The following USP34 variants were observed in gnomAD, a reference collection of about 807,000 sequenced individuals.
USP34 encodes ubiquitin specific peptidase 34, also known as ubiquitin carboxyl-terminal hydrolase 34.
Under a neutral mutation model 460.3 loss-of-function variants are expected in USP34, and 70 were observed. The ratio of observed to expected loss-of-function variants is 0.15; its 90% confidence interval spans 0.13 to 0.19. The LOEUF is 0.19. Among genes scored for constraint, USP34 ranks in the 10% least tolerant of loss-of-function variants. USP34 has a pLI of 1.00. For missense variants in USP34, 3,985 were observed against 4,236.2 expected (o/e 0.94, Z 1.65); for synonymous variants, 1,647 against 1,405.3 (o/e 1.17, Z -3.85).
chr2:61,215,966 ACT>A (rs1477645222), intron 67 of USP34, among the ~76,000 whole-genome samples: 1 of 151,828 alleles, frequency 6.6e-6, no homozygotes, highest in South Asian at 2.1e-4. Flanking sequence ...CCTCCTCAAG[ACT>A]CTCTAATGTC....
Position 61,375,738 on chromosome 2 carries a change from C to T in USP34, c.1076+2625G>A, listed in dbSNP as rs185615897. On this transcript the variant is annotated intron_variant, in intron 8 of 79. Coordinates refer to ENST00000398571, the MANE Select transcript of USP34 (RefSeq NM_014709.4). Reference sequence around the variant, plus strand: ...GAGCCAAGATCGCGCCACTGCACTCCAGCCTGGGTGACAGACCAAGACTCT... The same window carrying T: ...GAGCCAAGATCGCGCCACTGCACTCTAGCCTGGGTGACAGACCAAGACTCT... Among the ~76,000 whole-genome samples the T allele has an allele frequency of 3.7e-4, 48 of 130,200 alleles. 1 individual carries two copies. The East Asian group carries it at 0.011, about 30-fold the overall frequency. 85.4% of individuals were successfully genotyped at this position (130,200 alleles called of 152,430 possible). A position where few individuals can be genotyped will look rare whatever the true frequency, so the allele number is the denominator to read the frequency against.
chr2:61,267,248 T>C (rs1265358591), intron 41 of USP34, among the ~76,000 whole-genome samples: 1 of 152,272 alleles, frequency 6.6e-6, no homozygotes, highest in East Asian at 1.9e-4. Flanking sequence ...ATATGCTGAG[T>C]CCTGTGAGTT....
chr2:61,378,294 A>C, intron 8 of USP34, 69 bp downstream of exon 8: 1 of 1,182,820 alleles, frequency 8.5e-7, no homozygotes, highest in South Asian at 1.4e-5. Context: ...TCTAAAAATT[A>C]GAATTTACCA....
At chr2:61,445,616 G>A (rs898436886) in intron 1 of USP34, among the ~76,000 whole-genome samples, 5 of 151,096 alleles carry the variant, frequency 3.3e-5, no homozygotes, top group Non-Finnish European at 5.9e-5. Flanking sequence ...GCAACAGAAA[G>A]AGTAAATGTG....
intron 19 of USP34, 70 bp from the exon 20 acceptor site, chr2:61,331,441 T>C (rs1691258241): frequency 8.1e-7 from 1 of 1,229,416 alleles, no homozygotes; most frequent in African/African-American, 1.6e-5. Flanking sequence ...GCTATGACAG[T>C]AAATATGCAA....
intron 1 of USP34, among the ~76,000 whole-genome samples, chr2:61,452,807 C>T (rs1695323907): frequency 6.6e-6 from 1 of 151,378 alleles, no homozygotes; most frequent in Non-Finnish European, 1.5e-5. Flanking sequence ...ATCGCTTGAG[C>T]CTCAGAGGTC....
intron 8 of USP34, among the ~76,000 whole-genome samples, chr2:61,376,692 G>C (rs559042000): frequency 1.3e-5 from 2 of 152,114 alleles, no homozygotes. Context: ...CTGTCGCCCA[G>C]GTTGGAGTGA....
chr2:61,223,641 C>A (rs1687652233), intron 62 of USP34: 1 of 207,102 alleles, frequency 4.8e-6, no homozygotes, highest in African/African-American at 2.4e-5. Context: ...ATTTCATCTC[C>A]CAGTTTAAAA....
At chr2:61,213,864 A>G (rs1687333184) in intron 68 of USP34, among the ~76,000 whole-genome samples, 196 bp downstream of exon 68, 1 of 152,182 alleles carries the variant, frequency 6.6e-6, no homozygotes, top group Admixed American at 6.5e-5. Context: ...CACCCTAAGA[A>G]AAGTTATCTA....
At chr2:61,451,251 G>C (rs990320360) in intron 1 of USP34, among the ~76,000 whole-genome samples, 2 of 105,270 alleles carry the variant, frequency 1.9e-5, no homozygotes, top group Non-Finnish European at 4.1e-5. Flanking sequence ...AAAAAGAAAT[G>C]AATAACTTTT....
intron 1 of USP34, among the ~76,000 whole-genome samples, chr2:61,430,983 G>A (rs370277819): frequency 1.4e-4 from 22 of 151,876 alleles, no homozygotes; most frequent in Admixed American, 7.9e-4. Context: ...CTGAAGCCTG[G>A]GCAACAAGAC....
intron 48 of USP34, among the ~76,000 whole-genome samples, chr2:61,255,134 A>G (rs908190410): frequency 1.3e-5 from 2 of 152,178 alleles, no homozygotes; most frequent in African/African-American, 4.8e-5. Context: ...GTGTAAGGCA[A>G]TTTTTATTTG....
chr2:61,307,942 C>T (rs932583730), intron 27 of USP34, among the ~76,000 whole-genome samples: 6 of 151,946 alleles, frequency 3.9e-5, no homozygotes, highest in African/African-American at 7.3e-5. Flanking sequence ...CCAGCTACTC[C>T]GGAGACTCAG....
At chr2:61,320,472 C>T (rs543485397) in intron 21 of USP34, among the ~76,000 whole-genome samples, 27 of 151,080 alleles carry the variant, frequency 1.8e-4, no homozygotes, top group African/African-American at 6.3e-4. Flanking sequence ...AAATTCTGCA[C>T]AGGCAGTGGC....
intron 43 of USP34, among the ~76,000 whole-genome samples, chr2:61,261,478 G>C (rs551903057): frequency 6.6e-6 from 1 of 152,226 alleles, no homozygotes; most frequent in Admixed American, 6.5e-5. Flanking sequence ...ATGGAAAGTA[G>C]AATAGTGGTT....
chr2:61,243,070 T>C (rs898280452), intron 51 of USP34, among the ~76,000 whole-genome samples: 3 of 151,974 alleles, frequency 2.0e-5, no homozygotes, highest in Non-Finnish European at 4.4e-5. Flanking sequence ...GGTCTCGAAC[T>C]CCTGACCTCA....
intron 27 of USP34, among the ~76,000 whole-genome samples, chr2:61,310,923 A>G (rs931668160): frequency 6.6e-6 from 1 of 152,182 alleles, no homozygotes; most frequent in African/African-American, 2.4e-5. Context: ...GTCACATCAA[A>G]AGTCTAAAAT....
intron 76 of USP34, among the ~76,000 whole-genome samples, chr2:61,191,717 T>G (rs1352467885): frequency 6.6e-6 from 1 of 151,970 alleles, no homozygotes; most frequent in South Asian, 2.1e-4. Flanking sequence ...GATGCAGAAG[T>G]AGAGAAAGCA....
At chr2:61,269,628 C>T (rs939586199) in intron 41 of USP34, among the ~76,000 whole-genome samples, 6 of 151,924 alleles carry the variant, frequency 3.9e-5, no homozygotes, top group Non-Finnish European at 7.4e-5. Flanking sequence ...TGAGGAGACA[C>T]CTAGGTTTTT....
Sources: allele counts gnomAD v4.1 joint callset (sites outside exome capture counted in the v4.1 genomes callset), GRCh38; gene constraint gnomAD v4.1.1; transcripts MANE v1.5; gene names NCBI Gene and HGNC (gene_info 2026-07-23, HGNC 2026-07-21).